Variants in GABRB1 observed in about 807,000 individuals in gnomAD.
GABRB1 encodes the protein gamma-aminobutyric acid receptor subunit beta-1.
GABRB1 carries 17 observed loss-of-function variants against 51.6 expected under a neutral mutation model. The observed-to-expected ratio is 0.33, with a 90% CI of 0.23 to 0.49. The LOEUF (loss-of-function observed/expected upper bound fraction) is 0.49. Among genes scored for constraint, GABRB1 ranks in the 20% least tolerant of loss-of-function variants. GABRB1 has a pLI of 0.99. For missense variants in GABRB1, 410 were observed against 600.6 expected (o/e 0.68, Z 3.32); for synonymous variants, 247 against 218.9 (o/e 1.13, Z -1.14).
At chr4:47,379,526 G>A (rs752703875) in intron 5 of GABRB1, among the ~76,000 whole-genome samples, 22 of 152,264 alleles carry the variant, frequency 1.4e-4, no homozygotes, top group Non-Finnish European at 2.6e-4. Flanking sequence ...TAGGTTAGGT[G>A]TATTAAGTGC....
At chr4:47,262,436 T>C (rs1722477172) in intron 4 of GABRB1, among the ~76,000 whole-genome samples, 1 of 151,968 alleles carries the variant, frequency 6.6e-6, no homozygotes, top group Non-Finnish European at 1.5e-5. Context: ...AACAGACACA[T>C]GAAAAAATGC....
chr4:47,217,678 TG>T (rs1201142161), intron 4 of GABRB1, among the ~76,000 whole-genome samples: 1 of 151,824 alleles, frequency 6.6e-6, no homozygotes, highest in African/African-American at 2.4e-5. Context: ...ATTTTTTAAA[TG>T]TTTTTTATTT....
intron 5 of GABRB1, among the ~76,000 whole-genome samples, chr4:47,344,873 C>A (rs1726034649): frequency 6.6e-6 from 1 of 152,122 alleles, no homozygotes. Context: ...CAGGTGTGCA[C>A]CACCACGCCC....
chr4:47,002,517 C>T (rs1185132332), intron 1 of GABRB1, among the ~76,000 whole-genome samples: 2 of 152,056 alleles, frequency 1.3e-5, no homozygotes, highest in African/African-American at 4.8e-5. Flanking sequence ...ATATTTTAGT[C>T]TTTCAAATGT....
chr4:47,320,765 T>A (rs1202371021), intron 5 of GABRB1, among the ~76,000 whole-genome samples: 2 of 93,764 alleles, frequency 2.1e-5, no homozygotes, highest in Non-Finnish European at 4.5e-5. Context: ...TTTCTTTTCT[T>A]TTTTCTTTTT....
chr4:47,059,773 T>A (rs1726769820), intron 3 of GABRB1, among the ~76,000 whole-genome samples: 2 of 152,156 alleles, frequency 1.3e-5, no homozygotes, highest in East Asian at 3.9e-4. Context: ...TTTTATGACT[T>A]TAACTATAAC....
intron 3 of GABRB1, among the ~76,000 whole-genome samples, chr4:47,116,144 T>C (rs893078150): frequency 2.0e-5 from 3 of 152,170 alleles, no homozygotes; most frequent in Non-Finnish European, 4.4e-5. Flanking sequence ...TACAGAAAAA[T>C]AAATTGTCAA....
At chr4:47,382,191 C>A (rs1727621163) in intron 5 of GABRB1, among the ~76,000 whole-genome samples, 2 of 152,158 alleles carry the variant, frequency 1.3e-5, no homozygotes, top group Non-Finnish European at 2.9e-5. Context: ...CATCTCATAG[C>A]TATAGGCCAG....
intron 5 of GABRB1, among the ~76,000 whole-genome samples, chr4:47,383,113 G>T (rs1578136626): frequency 6.6e-6 from 1 of 152,270 alleles, no homozygotes; most frequent in South Asian, 2.1e-4. Flanking sequence ...CAAAAGCCAA[G>T]AAATTATACA....
At chr4:47,022,540 T>A (rs1724955550) in intron 1 of GABRB1, among the ~76,000 whole-genome samples, 1 of 152,180 alleles carries the variant, frequency 6.6e-6, no homozygotes, top group Middle Eastern at 3.4e-3. Context: ...AGAATATGAC[T>A]AATTAATGCT....
intron 5 of GABRB1, among the ~76,000 whole-genome samples, chr4:47,364,125 A>G (rs924638117): frequency 6.6e-6 from 1 of 152,224 alleles, no homozygotes; most frequent in Non-Finnish European, 1.5e-5. Context: ...CAGCAGCCTT[A>G]CATTTAGGAC....
At chr4:47,104,053 A>AT (rs1714840146) in intron 3 of GABRB1, among the ~76,000 whole-genome samples, 1 of 151,838 alleles carries the variant, frequency 6.6e-6, no homozygotes, top group African/African-American at 2.4e-5. Flanking sequence ...GCATGAAGAA[A>AT]TTTTTTAAGA....
intron 4 of GABRB1, among the ~76,000 whole-genome samples, chr4:47,211,718 A>G (rs914133966): frequency 2.6e-5 from 4 of 152,186 alleles, no homozygotes; most frequent in African/African-American, 9.6e-5. Flanking sequence ...TCACTGTGCT[A>G]AAGTCAAGGT....
chr4:47,033,639 T>C (rs1200674979), intron 3 of GABRB1, among the ~76,000 whole-genome samples: 1 of 152,238 alleles, frequency 6.6e-6, no homozygotes, highest in Non-Finnish European at 1.5e-5. Context: ...TGTCGTTTTA[T>C]TTTAATATAC....
At chr4:47,161,940 C>T (rs1407566266) in intron 4 of GABRB1, among the ~76,000 whole-genome samples, 1 of 151,874 alleles carries the variant, frequency 6.6e-6, no homozygotes, top group East Asian at 1.9e-4. Flanking sequence ...TCACCAATGC[C>T]CCAAAACAAT....
chr4:47,176,145 T>C (rs906077087), intron 4 of GABRB1, among the ~76,000 whole-genome samples: 3 of 152,118 alleles, frequency 2.0e-5, no homozygotes, highest in Admixed American at 1.3e-4. Context: ...AGAGTCCAAA[T>C]GTATTTGGGT....
intron 3 of GABRB1, among the ~76,000 whole-genome samples, chr4:47,039,756 G>C (rs557242531): frequency 1.3e-5 from 2 of 152,280 alleles, no homozygotes; most frequent in African/African-American, 4.8e-5. Flanking sequence ...TATGCACTGG[G>C]AGGTGTGCCT....
chr4:47,297,103 C>T (rs1724030916), intron 4 of GABRB1, among the ~76,000 whole-genome samples: 1 of 151,924 alleles, frequency 6.6e-6, no homozygotes, highest in Non-Finnish European at 1.5e-5. Context: ...GGGACACATT[C>T]AAAGCAGTGT....
intron 3 of GABRB1, among the ~76,000 whole-genome samples, chr4:47,044,776 T>C (rs1025165883): frequency 3.9e-5 from 6 of 151,990 alleles, no homozygotes; most frequent in Non-Finnish European, 7.4e-5. Context: ...GCTATTGGGG[T>C]TTTCATCATG....
Sources: gnomAD v4.1 joint callset for allele counts (sites outside exome capture counted in the v4.1 genomes callset) on GRCh38, gnomAD v4.1.1 for gene constraint, MANE v1.5 for transcripts, NCBI Gene and HGNC (gene_info 2026-07-23, HGNC 2026-07-21) for gene names.